IL1RAPL1: variants seen among roughly 807,000 people sequenced by gnomAD.
IL1RAPL1 encodes the protein interleukin-1 receptor accessory protein-like 1.
In IL1RAPL1, 3 loss-of-function variants were observed where a neutral mutation model predicts 48.4. The observed-to-expected ratio is 0.06, with a 90% CI of 0.03 to 0.16. IL1RAPL1 has a LOEUF of 0.16. IL1RAPL1 is among the 10% of genes least tolerant of loss of function. The probability of loss-of-function intolerance (pLI) is 1.00; values close to 1 mark genes in which losing one functional copy is unlikely to be tolerated. For missense variants in IL1RAPL1, 349 were observed against 530.6 expected (o/e 0.66, Z 3.36); for synonymous variants, 185 against 187.7 (o/e 0.99, Z 0.12).
intron 3 of IL1RAPL1, among the ~76,000 whole-genome samples, chrX:29,348,874 A>C (rs927359748): frequency 1.1e-4 from 12 of 111,756 alleles, no homozygotes; most frequent in Non-Finnish European, 1.5e-4. Flanking sequence ...CTATGGACTC[A>C]TCTTACTTGA....
At chrX:29,509,353 TGG>T (rs1935369450) in intron 5 of IL1RAPL1, among the ~76,000 whole-genome samples, 1 of 112,128 alleles carries the variant, frequency 8.9e-6, no homozygotes, top group Admixed American at 9.4e-5. Flanking sequence ...GACTTTAATC[TGG>T]TCTACAAATA....
At chrX:29,504,091 GCT>G (rs1569325887) in intron 5 of IL1RAPL1, among the ~76,000 whole-genome samples, 2 of 109,420 alleles carry the variant, frequency 1.8e-5, no homozygotes, top group Non-Finnish European at 3.8e-5. Flanking sequence ...CTCCTGAGTT[GCT>G]GGGATTACAG....
At chrX:28,960,734 C>T (rs1023146269) in intron 2 of IL1RAPL1, among the ~76,000 whole-genome samples, 2 of 111,079 alleles carry the variant, frequency 1.8e-5, no homozygotes, top group African/African-American at 6.5e-5. Context: ...AAGGGCCGGG[C>T]GCCGTGGCTC....
chrX:29,123,924 A>C (rs1928849016), intron 2 of IL1RAPL1, among the ~76,000 whole-genome samples: 2 of 104,451 alleles, frequency 1.9e-5, no homozygotes, highest in Admixed American at 2.1e-4. Flanking sequence ...TTAAATATGC[A>C]TATTATTAAA....
intron 2 of IL1RAPL1, among the ~76,000 whole-genome samples, chrX:29,244,930 C>T (rs1481389474): frequency 9.1e-6 from 1 of 109,893 alleles, no homozygotes; most frequent in Non-Finnish European, 1.9e-5. Context: ...CCCCTAGCCC[C>T]CCACCCCCCG....
intron 2 of IL1RAPL1, among the ~76,000 whole-genome samples, chrX:28,970,933 A>C (rs1384617769): frequency 9.0e-6 from 1 of 111,420 alleles, no homozygotes; most frequent in African/African-American, 3.3e-5. Context: ...ACATAATACC[A>C]GTCTAAAAAA....
chrX:28,643,038 G>T (rs1179156257), intron 1 of IL1RAPL1, among the ~76,000 whole-genome samples: 1 of 110,850 alleles, frequency 9.0e-6, no homozygotes, highest in Non-Finnish European at 1.9e-5. Flanking sequence ...ACAGGCGTGT[G>T]CCACCATACC....
At chrX:29,857,896 A>G (rs757405670) in intron 6 of IL1RAPL1, among the ~76,000 whole-genome samples, 1 of 111,803 alleles carries the variant, frequency 8.9e-6, no homozygotes, top group Non-Finnish European at 1.9e-5. Flanking sequence ...GTTTGTACAG[A>G]ATCTCTAGGC....
chrX:29,724,078 G>A (rs927990206), intron 6 of IL1RAPL1, among the ~76,000 whole-genome samples: 4 of 111,847 alleles, frequency 3.6e-5, no homozygotes, highest in African/African-American at 1.3e-4. Flanking sequence ...GGCTCCCAAC[G>A]TGCTGGGATT....
At chrX:29,461,242 C>T (rs1310247858) in intron 5 of IL1RAPL1, among the ~76,000 whole-genome samples, 1 of 111,496 alleles carries the variant, frequency 9.0e-6, no homozygotes, top group Non-Finnish European at 1.9e-5. Flanking sequence ...CCACATTGCA[C>T]CCACTAGAAT....
intron 5 of IL1RAPL1, among the ~76,000 whole-genome samples, chrX:29,591,149 A>G (rs1317419436): frequency 9.0e-6 from 1 of 111,581 alleles, no homozygotes; most frequent in Non-Finnish European, 1.9e-5. Context: ...GTGATCACAT[A>G]AAGGTGACTC....
chrX:29,310,135 G>GAAAAAAAA (rs763228577), intron 3 of IL1RAPL1, among the ~76,000 whole-genome samples: 9 of 41,145 alleles, frequency 2.2e-4, no homozygotes, highest in Non-Finnish European at 3.4e-4. Context: ...AAAAAGAAAG[G>GAAAAAAAA]AAAAAAAAAA....
chrX:29,955,695 C>A lies in IL1RAPL1; in HGVS notation c.1966C>A (p.Leu656Ile). Residue 656 changes from leucine (L) to isoleucine (I), a missense_variant, in exon 11 of 11, where the codon CTC (leucine) becomes ATC (isoleucine). By Grantham distance (5) the Leu-to-Ile change is conservative. This residue lies in a region of IL1RAPL1 where 65 missense variants were observed against 79.6 expected (regional missense o/e 0.82). Transcript: ENST00000378993. Reference sequence around the variant, plus strand: ...TACCTACTGTAACATCCCTATGACACTCATCAACGGGCAGCGGCCACAGAC... The same window carrying A: ...TACCTACTGTAACATCCCTATGACAATCATCAACGGGCAGCGGCCACAGAC... ...QHTYCNIPMT[L>I]INGQRPQTKS... 1 of 1,211,528 alleles carries A rather than the reference C, an allele frequency of 8.3e-7. No homozygotes were observed. The highest frequency in any genetic ancestry group is 3.0e-5 in the East Asian group (1 of 33,848).
In IL1RAPL1 at chrX:29,094,771, C is replaced by CAA. The variant is rs1163805144; in HGVS notation, c.83-188138_83-188137dup. 4.1e-3 allele frequency among the ~76,000 whole-genome samples: 24 copies of CAA among 5,904 alleles called. 1 individual carries two copies. The highest frequency in any genetic ancestry group is 4.7e-3 in the Non-Finnish European group (16 of 3,425). The allele number at this position is 5,904 out of a possible 115,157, so 5.1% of individuals were successfully genotyped here. Reference sequence around the variant, plus strand: ...TGGTGACAAGAGTGAAACTCCATCTCAAAAAAAAAAAAAAAAAAAAAAAAA... The same window carrying CAA: ...TGGTGACAAGAGTGAAACTCCATCTCAAAAAAAAAAAAAAAAAAAAAAAAAAA... On this transcript the variant is annotated intron_variant, in intron 2 of 10. Transcript: ENST00000378993.
chrX:29,623,072 C>T (rs1298777952), intron 5 of IL1RAPL1, among the ~76,000 whole-genome samples: 7 of 105,709 alleles, frequency 6.6e-5, no homozygotes, highest in Admixed American at 1.0e-4. Flanking sequence ...AGATCGAGAC[C>T]ATCCTGGCTA....
intron 2 of IL1RAPL1, among the ~76,000 whole-genome samples, chrX:29,199,819 G>A (rs1277119317): frequency 9.0e-6 from 1 of 111,414 alleles, no homozygotes; most frequent in Non-Finnish European, 1.9e-5. Context: ...TTCTAATACA[G>A]GCAAATATAA....
intron 2 of IL1RAPL1, among the ~76,000 whole-genome samples, chrX:28,944,918 C>G (rs1924256780): frequency 9.1e-6 from 1 of 110,120 alleles, no homozygotes; most frequent in Non-Finnish European, 1.9e-5. Flanking sequence ...TTTCACGAAT[C>G]CTTATGTGGC....
At chrX:28,655,947 A>G (rs932010770) in intron 1 of IL1RAPL1, among the ~76,000 whole-genome samples, 2 of 111,939 alleles carry the variant, frequency 1.8e-5, no homozygotes, top group East Asian at 5.6e-4. Context: ...AAAAGACAGA[A>G]TGTTTGAAGA....
chrX:29,702,670 A>G (rs928624412), intron 6 of IL1RAPL1, among the ~76,000 whole-genome samples: 2 of 111,946 alleles, frequency 1.8e-5, no homozygotes, highest in Non-Finnish European at 3.8e-5. Context: ...CTTATACCTT[A>G]AAGTCTGGCT....
Sources: allele counts gnomAD v4.1 joint callset (sites outside exome capture counted in the v4.1 genomes callset), GRCh38; gene constraint gnomAD v4.1.1; regional missense constraint gnomAD v4.1.1; transcripts MANE v1.5; gene names NCBI Gene and HGNC (gene_info 2026-07-23, HGNC 2026-07-21).